Variants in LIMCH1 observed in about 807,000 individuals in gnomAD.
LIMCH1 encodes LIM and calponin homology domains 1, also known as LIM and calponin homology domains-containing protein 1.
In LIMCH1, 113 loss-of-function variants were observed where a neutral mutation model predicts 176.5. That is an observed-to-expected ratio of 0.64 (90% CI 0.55 to 0.75). The LOEUF is 0.75. LIMCH1 is among the 30% of genes least tolerant of loss of function. LIMCH1 has a pLI of 0.00. For missense variants in LIMCH1, 1,674 were observed against 1,814.9 expected (o/e 0.92, Z 1.41); for synonymous variants, 619 against 645.9 (o/e 0.96, Z 0.63).
intron 2 of LIMCH1, among the ~76,000 whole-genome samples, chr4:41,506,162 A>T (rs1480097378): frequency 6.6e-6 from 1 of 152,230 alleles, no homozygotes; most frequent in Non-Finnish European, 1.5e-5. Context: ...CAAATAAGTG[A>T]CCAATAAAGA....
chr4:41,591,101 T>G (rs776851389), intron 1 of LIMCH1, among the ~76,000 whole-genome samples: 2 of 152,244 alleles, frequency 1.3e-5, no homozygotes, highest in Non-Finnish European at 2.9e-5. Flanking sequence ...GTAACATTAT[T>G]GTTGGTTATG....
At chr4:41,393,586 G>A (rs2057486504) in intron 1 of LIMCH1, among the ~76,000 whole-genome samples, 1 of 152,292 alleles carries the variant, frequency 6.6e-6, no homozygotes, top group East Asian at 1.9e-4. Flanking sequence ...AGACTATATG[G>A]CTGAAAGCCT....
At chr4:41,635,612 A>G (rs1289322730) in intron 13 of LIMCH1, among the ~76,000 whole-genome samples, 1 of 152,214 alleles carries the variant, frequency 6.6e-6, no homozygotes, top group African/African-American at 2.4e-5. Context: ...AGGAATGGTC[A>G]GGTGAACTAT....
At chr4:41,568,519 G>T (rs1457913150) in intron 1 of LIMCH1, among the ~76,000 whole-genome samples, 3 of 152,134 alleles carry the variant, frequency 2.0e-5, no homozygotes, top group Non-Finnish European at 4.4e-5. Context: ...TTTGGATCTA[G>T]ATTTCTTCAA....
chr4:41,650,711 G>T (rs2094258403), intron 18 of LIMCH1, 103 bp downstream of exon 18: 1 of 1,006,300 alleles, frequency 9.9e-7, no homozygotes, highest in Non-Finnish European at 1.4e-6. Context: ...TTCTTTCTAT[G>T]TTGGCGTATT....
chr4:41,467,775 C>G (rs963689356), intron 1 of LIMCH1, among the ~76,000 whole-genome samples: 2 of 152,154 alleles, frequency 1.3e-5, no homozygotes, highest in African/African-American at 4.8e-5. Context: ...AGGTCAGAGG[C>G]CAGTAAGCAT....
chr4:41,385,233 A>G (rs1042481077), intron 1 of LIMCH1, among the ~76,000 whole-genome samples: 4 of 152,176 alleles, frequency 2.6e-5, no homozygotes, highest in Non-Finnish European at 5.9e-5. Context: ...ATCTGCATCT[A>G]TGGATTGAAC....
chr4:41,479,851 T>C (rs2068298606), intron 1 of LIMCH1, among the ~76,000 whole-genome samples: 1 of 152,204 alleles, frequency 6.6e-6, no homozygotes, highest in Non-Finnish European at 1.5e-5. Flanking sequence ...ATAATGTGTA[T>C]AGGAGGTTAT....
chr4:41,492,509 T>C (rs2154174448), intron 1 of LIMCH1, among the ~76,000 whole-genome samples: 1 of 152,288 alleles, frequency 6.6e-6, no homozygotes, highest in South Asian at 2.1e-4. Flanking sequence ...TTAAGTGTAT[T>C]GAGATTTGCA....
chr4:41,386,062 C>T (rs1439312349), intron 1 of LIMCH1: 1 of 152,178 alleles, frequency 6.6e-6, no homozygotes, highest in East Asian at 1.9e-4. Flanking sequence ...AATACATAGT[C>T]AATGAATTGA....
chr4:41,555,973 G>A (rs143602279), intron 1 of LIMCH1, among the ~76,000 whole-genome samples: 1 of 152,184 alleles, frequency 6.6e-6, no homozygotes, highest in Non-Finnish European at 1.5e-5. Context: ...TTGAACTCCT[G>A]GGCTCAGGGG....
At chr4:41,444,477 G>T (rs2063066600) in intron 1 of LIMCH1, among the ~76,000 whole-genome samples, 1 of 152,116 alleles carries the variant, frequency 6.6e-6, no homozygotes. Context: ...TTAAGGGTAG[G>T]TCAGTGGACC....
intron 3 of LIMCH1, among the ~76,000 whole-genome samples, chr4:41,533,093 T>A (rs1176705844): frequency 6.6e-6 from 1 of 152,148 alleles, no homozygotes; most frequent in Non-Finnish European, 1.5e-5. Flanking sequence ...GTACTTGCCA[T>A]GTGGGTCTTT....
intron 2 of LIMCH1, among the ~76,000 whole-genome samples, chr4:41,599,826 A>G (rs576709540): frequency 1.3e-5 from 2 of 152,320 alleles, no homozygotes; most frequent in East Asian, 3.9e-4. Flanking sequence ...TTTTATCATG[A>G]AGGAACAGAA....
At chr4:41,368,064 CT>C in intron 1 of LIMCH1, among the ~76,000 whole-genome samples, 1 of 152,108 alleles carries the variant, frequency 6.6e-6, no homozygotes, top group East Asian at 1.9e-4. Context: ...TTTTTCTCCC[CT>C]CAGAAGTGTT....
rs533122068 is a variant in LIMCH1 at position 41,561,833 on chromosome 4, G to A, written c.-241+23483G>A. ...ATTCTTTATGCCTCCTAATTACACCGTGAAGAAATAGACGGATGTCACAAG... is the reference window on the plus strand; with the variant it reads ...ATTCTTTATGCCTCCTAATTACACCATGAAGAAATAGACGGATGTCACAAG... On this transcript the variant is annotated intron_variant, in intron 1 of 31. Coordinates refer to ENST00000503057, the MANE Select transcript of LIMCH1 (RefSeq NM_001330672.2). Among the ~76,000 whole-genome samples, 7 of 152,230 alleles carry A rather than the reference G, an allele frequency of 4.6e-5. No individual in the cohort carries two copies. In the South Asian group the frequency reaches 6.2e-4, roughly 14 times the overall value.
chr4:41,578,720 ACTCCCCTCCC>A (rs1461162309), intron 1 of LIMCH1, among the ~76,000 whole-genome samples: 1 of 135,186 alleles, frequency 7.4e-6, no homozygotes, highest in East Asian at 2.1e-4. Context: ...CTTCCCTTCC[ACTCCCCTCCC>A]CTCCCCTCCT....
intron 18 of LIMCH1, among the ~76,000 whole-genome samples, chr4:41,660,263 C>G (rs1313441863): frequency 6.6e-6 from 1 of 151,992 alleles, no homozygotes; most frequent in South Asian, 2.1e-4. Context: ...AATCATTCCC[C>G]AATTATTGGA....
chr4:41,473,525 G>C (rs2067290449), intron 1 of LIMCH1, among the ~76,000 whole-genome samples: 1 of 152,142 alleles, frequency 6.6e-6, no homozygotes, highest in African/African-American at 2.4e-5. Flanking sequence ...CTAGTTCAGG[G>C]CCTTTATCTC....
Sources: gnomAD v4.1 joint callset for allele counts (sites outside exome capture counted in the v4.1 genomes callset) on GRCh38, gnomAD v4.1.1 for gene constraint, MANE v1.5 for transcripts, NCBI Gene and HGNC (gene_info 2026-07-23, HGNC 2026-07-21) for gene names.